Variants in CHRNA7 observed in about 807,000 individuals in gnomAD.
CHRNA7 encodes cholinergic receptor nicotinic alpha 7 subunit, also known as neuronal acetylcholine receptor subunit alpha-7.
In CHRNA7, 17 loss-of-function variants were observed where a neutral mutation model predicts 48.0. The observed-to-expected ratio is 0.35, with a 90% CI of 0.24 to 0.53. The LOEUF (loss-of-function observed/expected upper bound fraction) is 0.53. Ranked by LOEUF, CHRNA7 falls within the 20% of genes least tolerant of loss-of-function variation. The probability of loss-of-function intolerance (pLI) is 0.92; values close to 1 mark genes in which losing one functional copy is unlikely to be tolerated. For missense variants in CHRNA7, 155 were observed against 577.7 expected (o/e 0.27, Z 7.50); for synonymous variants, 75 against 242.3 (o/e 0.31, Z 6.41).
intron 4 of CHRNA7, among the ~76,000 whole-genome samples, chr15:32,120,044 C>T (rs980101313): frequency 1.4e-4 from 21 of 152,330 alleles, no homozygotes; most frequent in African/African-American, 4.6e-4. Flanking sequence ...ACTGGGCACT[C>T]GCCCAGTGCC....
At position 32,136,905 on chromosome 15, in the gene CHRNA7, G is replaced by A. The variant is rs547692471; in HGVS notation, c.351-17002G>A. The stretch of plus-strand genomic sequence containing the variant: ...AAATTAGCCGGGCGTGGTGGCGGGC[G>A]CCTGTAGTCCCAGCTACTTGGGAGG... On this transcript the variant is annotated intron_variant, in intron 4 of 9. Coordinates refer to ENST00000306901, the MANE Select transcript of CHRNA7 (RefSeq NM_000746.6). 9.8e-3 allele frequency among the ~76,000 whole-genome samples: 1,461 copies of A among 148,534 alleles called. 47 individuals carry two copies. The highest frequency in any genetic ancestry group is 0.035 in the African/African-American group (1,375 of 38,948).
At chr15:32,144,012 A>G (rs932159395) in intron 4 of CHRNA7, among the ~76,000 whole-genome samples, 5 of 152,192 alleles carry the variant, frequency 3.3e-5, no homozygotes, top group Non-Finnish European at 5.9e-5. Flanking sequence ...TCTTCATAGC[A>G]TCGATGGTCT....
At chr15:32,040,522 T>C (rs2049428637) in intron 2 of CHRNA7, among the ~76,000 whole-genome samples, 1 of 151,964 alleles carries the variant, frequency 6.6e-6, no homozygotes. Context: ...CACTTTATAA[T>C]GCAAAATAAC....
At chr15:32,083,333 C>T (rs961105456) in intron 2 of CHRNA7, among the ~76,000 whole-genome samples, 2 of 152,174 alleles carry the variant, frequency 1.3e-5, no homozygotes, top group African/African-American at 2.4e-5. Flanking sequence ...TGTCTTCCAT[C>T]ATGGGATGTT....
chr15:32,136,645 G>C (rs968414253), intron 4 of CHRNA7, among the ~76,000 whole-genome samples: 1 of 152,082 alleles, frequency 6.6e-6, no homozygotes, highest in Admixed American at 6.6e-5. Context: ...AAATATACAA[G>C]GTTAAAGTGT....
chr15:32,030,757 C>G, intron 1 of CHRNA7, 108 bp downstream of exon 1: 1 of 1,511,230 alleles, frequency 6.6e-7, no homozygotes, highest in Non-Finnish European at 8.8e-7. Flanking sequence ...TCCCCGCCGC[C>G]GGGGAGGGGC....
chr15:32,086,818 T>C (rs1332169018), intron 2 of CHRNA7, among the ~76,000 whole-genome samples: 1 of 151,948 alleles, frequency 6.6e-6, no homozygotes, highest in Non-Finnish European at 1.5e-5. Flanking sequence ...TAGAATGGAG[T>C]AATGTGTTTT....
At chr15:32,046,266 C>T (rs2049544044) in intron 2 of CHRNA7, among the ~76,000 whole-genome samples, 1 of 149,846 alleles carries the variant, frequency 6.7e-6, no homozygotes, top group African/African-American at 2.5e-5. Context: ...AATGGTTGAA[C>T]TAGTTTACAG....
In CHRNA7 at chr15:32,038,648, C is replaced by T. The variant is rs375704456; in HGVS notation, c.195+7611C>T. On this transcript the variant is annotated intron_variant, in intron 2 of 9. Coordinates refer to ENST00000306901, the MANE Select transcript of CHRNA7 (RefSeq NM_000746.6). Reference sequence around the variant, plus strand: ...CCTCCTAAAGTGCTAGGATTGGAGGCGTGAGCCACCACAACGTGCTAATAT... The same window carrying T: ...CCTCCTAAAGTGCTAGGATTGGAGGTGTGAGCCACCACAACGTGCTAATAT... Among the ~76,000 whole-genome samples the T allele has an allele frequency of 2.6e-5, 4 of 152,182 alleles. No homozygotes were observed. The East Asian group carries it at 7.7e-4, about 29-fold the overall frequency.
chr15:32,040,324 T>C (rs2049425021), intron 2 of CHRNA7, among the ~76,000 whole-genome samples: 1 of 152,128 alleles, frequency 6.6e-6, no homozygotes, highest in African/African-American at 2.4e-5. Flanking sequence ...TCAGTTTTTG[T>C]TTTCCACTCT....
intron 4 of CHRNA7, among the ~76,000 whole-genome samples, chr15:32,122,931 T>TA (rs1468687620): frequency 6.6e-6 from 1 of 150,678 alleles, no homozygotes; most frequent in Non-Finnish European, 1.5e-5. Flanking sequence ...AGTAGCCTAG[T>TA]AGAGGACTAC....
intron 3 of CHRNA7, chr15:32,103,036 C>G (rs1233293929): frequency 6.6e-6 from 1 of 152,150 alleles, no homozygotes; most frequent in Non-Finnish European, 1.5e-5. Flanking sequence ...TTGTTTGGTT[C>G]TTGAGTCAGT....
At chr15:32,086,203 A>G (rs144911635) in intron 2 of CHRNA7, among the ~76,000 whole-genome samples, 2,541 of 151,880 alleles carry the variant, frequency 0.017, 33 homozygotes, top group Non-Finnish European at 0.029. Flanking sequence ...CCCCGTCTCT[A>G]CTAAAAATAC....
Position 32,137,047 on chromosome 15 carries a change from GA to G in CHRNA7, c.351-16850del, listed in dbSNP as rs1174484623. ...ACTCCGTCTCAAAAAAAAAAAAAAA[GA>G]AAAAAAAAAGAAAACAGGAGAAACC... On this transcript the variant is annotated intron_variant, in intron 4 of 9. Transcript: ENST00000306901. Among the ~76,000 whole-genome samples the G allele has an allele frequency of 4.9e-5, 6 of 123,566 alleles. No homozygotes were observed. The East Asian group carries it at 7.5e-4, about 16-fold the overall frequency. The allele number at this position is 123,566 out of a possible 152,430, so 81.1% of individuals were successfully genotyped here.
At chr15:32,101,474 G>A (rs1388611249) in intron 3 of CHRNA7, 127 bp downstream of exon 3, 3 of 987,898 alleles carry the variant, frequency 3.0e-6, no homozygotes, top group Non-Finnish European at 1.5e-6. Context: ...AAAAACAAAA[G>A]GCCATGGCTG....
At chr15:32,137,054 A>AAAG (rs1566865892) in intron 4 of CHRNA7, among the ~76,000 whole-genome samples, 34 of 150,124 alleles carry the variant, frequency 2.3e-4, no homozygotes, top group African/African-American at 8.1e-4. Flanking sequence ...AAAGAAAAAA[A>AAAG]AAAGAAAACA....
At chr15:32,121,807 G>A (rs1247519254) in intron 4 of CHRNA7, among the ~76,000 whole-genome samples, 1 of 152,162 alleles carries the variant, frequency 6.6e-6, no homozygotes, top group African/African-American at 2.4e-5. Context: ...AGCGGGGAGG[G>A]GGAGAGATCA....
chr15:32,072,717 A>G (rs1378594135), intron 2 of CHRNA7, among the ~76,000 whole-genome samples: 1 of 152,222 alleles, frequency 6.6e-6, no homozygotes, highest in Admixed American at 6.5e-5. Flanking sequence ...GTCATGGCAC[A>G]GAGGGCTCCA....
At chr15:32,045,280 G>T (rs1595379494) in intron 2 of CHRNA7, among the ~76,000 whole-genome samples, 1 of 152,052 alleles carries the variant, frequency 6.6e-6, no homozygotes, top group Non-Finnish European at 1.5e-5. Flanking sequence ...GGTTGTGTTT[G>T]TAGTTTGTCC....
Sources: allele counts gnomAD v4.1 joint callset (sites outside exome capture counted in the v4.1 genomes callset), GRCh38; gene constraint gnomAD v4.1.1; transcripts MANE v1.5; gene names NCBI Gene and HGNC (gene_info 2026-07-23, HGNC 2026-07-21).